FNDC3B: variants seen among roughly 807,000 people sequenced by gnomAD.
FNDC3B encodes the protein fibronectin type III domain-containing protein 3B.
A neutral mutation model predicts 151.5 loss-of-function variants in FNDC3B; 12 were observed. The observed-to-expected ratio is 0.08, with a 90% CI of 0.05 to 0.13. The LOEUF (loss-of-function observed/expected upper bound fraction) is 0.13. Ranked by LOEUF, FNDC3B falls within the 10% of genes least tolerant of loss-of-function variation. The pLI is 1.00. For missense variants in FNDC3B, 1,214 were observed against 1,505.3 expected (o/e 0.81, Z 3.20); for synonymous variants, 528 against 549.0 (o/e 0.96, Z 0.54).
At chr3:172,136,733 G>A (rs750348370) in intron 3 of FNDC3B, among the ~76,000 whole-genome samples, 8 of 151,966 alleles carry the variant, frequency 5.3e-5, no homozygotes, top group Admixed American at 3.3e-4. Context: ...TTTGTTTTTT[G>A]TTTTGAGATG....
intron 3 of FNDC3B, among the ~76,000 whole-genome samples, chr3:172,147,220 T>A (rs1721957859): frequency 6.6e-6 from 1 of 151,700 alleles, no homozygotes; most frequent in Non-Finnish European, 1.5e-5. Context: ...GGCAGGAGAA[T>A]TGCCTAAACC....
At chr3:172,136,835 T>G (rs975049790) in intron 3 of FNDC3B, among the ~76,000 whole-genome samples, 5 of 152,166 alleles carry the variant, frequency 3.3e-5, no homozygotes, top group Non-Finnish European at 7.4e-5. Context: ...CTCTCCTGCC[T>G]AAGCCTCCTG....
intron 3 of FNDC3B, among the ~76,000 whole-genome samples, chr3:172,148,373 G>T (rs958834783): frequency 6.7e-6 from 1 of 148,358 alleles, no homozygotes; most frequent in Non-Finnish European, 1.5e-5. Flanking sequence ...AATGTGGAGG[G>T]TAAAAAAAAT....
chr3:172,394,025 G>A (rs1736146545), intron 25 of FNDC3B, among the ~76,000 whole-genome samples: 1 of 144,232 alleles, frequency 6.9e-6, no homozygotes, highest in African/African-American at 2.6e-5. Flanking sequence ...GGAGAATGGT[G>A]TGAACCCAGG....
chr3:172,134,361 T>G, intron 3 of FNDC3B: 1 of 518,440 alleles, frequency 1.9e-6, no homozygotes, highest in Non-Finnish European at 3.9e-6. Context: ...AACACTGTAG[T>G]GTTAAAAGGC....
intron 1 of FNDC3B, among the ~76,000 whole-genome samples, chr3:172,104,418 C>G (rs901263562): frequency 6.8e-6 from 1 of 147,824 alleles, no homozygotes; most frequent in African/African-American, 2.5e-5. Flanking sequence ...TTTTTTTTTC[C>G]AAAGTTTTTT....
At chr3:172,280,383 T>G (rs948298100) in intron 6 of FNDC3B, among the ~76,000 whole-genome samples, 2 of 152,220 alleles carry the variant, frequency 1.3e-5, no homozygotes, top group Non-Finnish European at 2.9e-5. Context: ...GTTTTCATAT[T>G]GATTGTTTAC....
chr3:172,327,654 TC>T (rs1314241852), intron 11 of FNDC3B, among the ~76,000 whole-genome samples: 3 of 152,232 alleles, frequency 2.0e-5, no homozygotes, highest in Non-Finnish European at 2.9e-5. Context: ...TCTGCCCGCC[TC>T]AACCTCCCAA....
At chr3:172,257,675 C>G (rs1441268407) in intron 6 of FNDC3B, among the ~76,000 whole-genome samples, 1 of 151,986 alleles carries the variant, frequency 6.6e-6, no homozygotes, top group Non-Finnish European at 1.5e-5. Flanking sequence ...TCCTTGTCAC[C>G]CTCCACAAGG....
intron 4 of FNDC3B, among the ~76,000 whole-genome samples, chr3:172,236,897 A>G (rs549314845): frequency 1.6e-4 from 25 of 151,858 alleles, no homozygotes; most frequent in Admixed American, 1.5e-3. Flanking sequence ...CTCCTGTCCA[A>G]CCCTCAGGGG....
At chr3:172,062,315 C>CTT (rs879410385) in intron 1 of FNDC3B, among the ~76,000 whole-genome samples, 3 of 144,378 alleles carry the variant, frequency 2.1e-5, no homozygotes, top group Admixed American at 7.0e-5. Flanking sequence ...TCTCCTCCTT[C>CTT]TTTTTTTTTT....
At chr3:172,195,938 A>G (rs1042920148) in intron 3 of FNDC3B, among the ~76,000 whole-genome samples, 2 of 152,200 alleles carry the variant, frequency 1.3e-5, no homozygotes, top group African/African-American at 4.8e-5. Flanking sequence ...TTAGATTTCA[A>G]AGAGTTGTGT....
chr3:172,248,700 T>C (rs1264861752), intron 5 of FNDC3B, among the ~76,000 whole-genome samples: 1 of 147,378 alleles, frequency 6.8e-6, no homozygotes, highest in Non-Finnish European at 1.5e-5. Flanking sequence ...AATTATATAA[T>C]TTCTATATAA....
intron 1 of FNDC3B, among the ~76,000 whole-genome samples, chr3:172,081,768 C>T (rs1426725189): frequency 6.6e-6 from 1 of 152,082 alleles, no homozygotes; most frequent in Non-Finnish European, 1.5e-5. Context: ...ACTCGTCATA[C>T]CTTTTGGCAG....
At chr3:172,242,022 A>G (rs2108763003) in intron 4 of FNDC3B, among the ~76,000 whole-genome samples, 1 of 152,348 alleles carries the variant, frequency 6.6e-6, no homozygotes, top group South Asian at 2.1e-4. Context: ...ATTGGCCCAA[A>G]CAAAGGGGCT....
chr3:172,231,173 A>T (rs890211656), intron 4 of FNDC3B, among the ~76,000 whole-genome samples: 2 of 152,254 alleles, frequency 1.3e-5, no homozygotes. Flanking sequence ...TAAACCTTGA[A>T]AACAGTATGC....
chr3:172,183,733 C>T (rs981908683), intron 3 of FNDC3B, among the ~76,000 whole-genome samples: 1 of 152,120 alleles, frequency 6.6e-6, no homozygotes, highest in Non-Finnish European at 1.5e-5. Context: ...AATTATTAAA[C>T]TGTAGGCGGG....
chr3:172,111,790 A>G (rs1465671345), intron 1 of FNDC3B, among the ~76,000 whole-genome samples: 1 of 152,224 alleles, frequency 6.6e-6, no homozygotes, highest in Admixed American at 6.5e-5. Context: ...TAAAGGGTTC[A>G]TTGACCAAAT....
At chr3:172,090,361 T>C (rs1009882467) in intron 1 of FNDC3B, among the ~76,000 whole-genome samples, 1 of 152,150 alleles carries the variant, frequency 6.6e-6, no homozygotes, top group African/African-American at 2.4e-5. Context: ...CTCTGCACTC[T>C]AGGCAGGTAC....
Sources: allele counts gnomAD v4.1 joint callset (sites outside exome capture counted in the v4.1 genomes callset), GRCh38; gene constraint gnomAD v4.1.1; transcripts MANE v1.5; gene names NCBI Gene and HGNC (gene_info 2026-07-23, HGNC 2026-07-21).